ACTN4: variants seen among roughly 807,000 people sequenced by gnomAD.
ACTN4 encodes actinin alpha 4.
A neutral mutation model predicts 114.2 loss-of-function variants in ACTN4; 18 were observed. That is an observed-to-expected ratio of 0.16 (90% CI 0.11 to 0.23). The LOEUF (loss-of-function observed/expected upper bound fraction) is 0.23, where lower values mean the gene tolerates loss of function less well. ACTN4 is among the 10% of genes least tolerant of loss of function. The pLI, the probability that ACTN4 is intolerant of heterozygous loss-of-function variation, is 1.00. For synonymous variants in ACTN4, 515 were observed against 506.3 expected (o/e 1.02, Z -0.23); for missense variants, 722 against 1,262.9 (o/e 0.57, Z 6.49).
intron 1 of ACTN4, among the ~76,000 whole-genome samples, chr19:38,674,589 G>A (rs181962178): frequency 1.4e-3 from 215 of 152,276 alleles, no homozygotes; most frequent in African/African-American, 4.8e-3. Context: ...CTTTACGTCA[G>A]TCCCAGCATT....
chr19:38,671,636 C>T (rs1408481614), intron 1 of ACTN4, among the ~76,000 whole-genome samples: 1 of 152,160 alleles, frequency 6.6e-6, no homozygotes, highest in African/African-American at 2.4e-5. Context: ...AGTAGATGTG[C>T]AATGAATTTG....
At chr19:38,696,924 G>A (rs947759560) in intron 1 of ACTN4, among the ~76,000 whole-genome samples, 1 of 152,240 alleles carries the variant, frequency 6.6e-6, no homozygotes, top group African/African-American at 2.4e-5. Flanking sequence ...TGCTTTCAGA[G>A]CAAACCTTCC....
At chr19:38,703,133 G>T (rs1440107183) in intron 3 of ACTN4, among the ~76,000 whole-genome samples, 1 of 152,078 alleles carries the variant, frequency 6.6e-6, no homozygotes, top group African/African-American at 2.4e-5. Flanking sequence ...TCACCCAGCC[G>T]CAGACACACA....
chr19:38,728,898 C>G, intron 19 of ACTN4, 98 bp from the exon 20 acceptor site: 2 of 1,510,638 alleles, frequency 1.3e-6, no homozygotes, highest in East Asian at 4.5e-5. Flanking sequence ...TTGGGCCCTA[C>G]TCTCTCGGCT....
intron 1 of ACTN4, among the ~76,000 whole-genome samples, chr19:38,654,096 TC>T (rs5828012): frequency 0.057 from 8,686 of 152,304 alleles, 269 homozygotes; most frequent in South Asian, 0.11. Flanking sequence ...TAACTTTTCT[TC>T]AAGAAGGTCT....
At chr19:38,725,641 C>T (rs1969207287) in intron 16 of ACTN4, 83 bp from the exon 17 acceptor site, 3 of 1,511,184 alleles carry the variant, frequency 2.0e-6, no homozygotes, top group Non-Finnish European at 2.7e-6. Flanking sequence ...AGATGCAGGC[C>T]AGCAGCGCGA....
chr19:38,683,046 G>A (rs1967627559), intron 1 of ACTN4, among the ~76,000 whole-genome samples: 1 of 152,206 alleles, frequency 6.6e-6, no homozygotes, highest in Non-Finnish European at 1.5e-5. Flanking sequence ...CAGTGCTCAG[G>A]ATAGTGTATG....
At chr19:38,711,150 G>A in intron 8 of ACTN4, 1 of 266,108 alleles carries the variant, frequency 3.8e-6, no homozygotes. Context: ...ACGCAGGCCT[G>A]GGGCTGGCTT....
chr19:38,721,437 G>A, intron 11 of ACTN4, 101 bp from the exon 12 acceptor site: 2 of 1,387,150 alleles, frequency 1.4e-6, no homozygotes, highest in East Asian at 2.3e-5. Flanking sequence ...AGGATGTGGG[G>A]TCCACAGTCT....
rs1969297557 is a variant in ACTN4, at chr19:38,727,939, C to T, written c.2338-7C>T. On this transcript the variant is annotated splice_polypyrimidine_tract_variant and splice_region_variant and intron_variant, in intron 18 of 20. Transcript: ENST00000252699. This position sits in a 1 kb window ranked among gnomAD's most constrained non-coding sequence, Gnocchi z 5.4. ...CCCGCACACCTGCCTTCGGATGGCC[C>T]CGGCAGGATCATGGCGGGGCGCTGG... is the stretch of plus-strand genomic sequence containing the variant. 9 of 1,612,408 alleles carry T rather than the reference C, an allele frequency of 5.6e-6. No homozygotes were observed. In the Admixed American group the frequency reaches 6.7e-5, roughly 12 times the overall value.
chr19:38,654,920 G>C (rs1053301653), intron 1 of ACTN4, among the ~76,000 whole-genome samples: 1 of 152,116 alleles, frequency 6.6e-6, no homozygotes, highest in African/African-American at 2.4e-5. Context: ...ATCTGAAGGC[G>C]AGTGGAGTGA....
intron 3 of ACTN4, among the ~76,000 whole-genome samples, chr19:38,703,790 GT>G (rs1968363539): frequency 6.6e-6 from 1 of 152,092 alleles, no homozygotes; most frequent in African/African-American, 2.4e-5. Context: ...GAGGAACTGG[GT>G]GGCGGGTTGG....
intron 19 of ACTN4, 132 bp from the exon 20 acceptor site, chr19:38,728,864 G>A: frequency 8.5e-7 from 1 of 1,175,262 alleles, no homozygotes. Flanking sequence ...AGCAGGCGGG[G>A]AACAGGGCGC....
intron 1 of ACTN4, among the ~76,000 whole-genome samples, chr19:38,668,142 C>T (rs1967020513): frequency 6.6e-6 from 1 of 152,178 alleles, no homozygotes; most frequent in African/African-American, 2.4e-5. Flanking sequence ...CCAACGGCCT[C>T]TGAAATGCTA....
intron 13 of ACTN4, 88 bp from the exon 14 acceptor site, chr19:38,723,849 A>G (rs887457567): frequency 1.4e-5 from 21 of 1,519,402 alleles, no homozygotes; most frequent in Non-Finnish European, 3.6e-6. Context: ...CTGACTCCTC[A>G]GGGCCCTCTG....
chr19:38,703,786 C>T (rs1968363108), intron 3 of ACTN4, among the ~76,000 whole-genome samples: 1 of 152,006 alleles, frequency 6.6e-6, no homozygotes, highest in African/African-American at 2.4e-5. Context: ...GGGAGAGGAA[C>T]TGGGTGGCGG....
intron 1 of ACTN4, among the ~76,000 whole-genome samples, chr19:38,679,913 C>CT (rs1293186193): frequency 6.6e-6 from 1 of 152,190 alleles, no homozygotes; most frequent in Non-Finnish European, 1.5e-5. Context: ...CTCTGTTTCT[C>CT]TGACTCTTCT....
chr19:38,664,119 G>T lies in ACTN4; in HGVS notation c.162+16212G>T, dbSNP rs186689165. Among the ~76,000 whole-genome samples, 5 of 152,338 alleles carry T rather than the reference G, an allele frequency of 3.3e-5. No homozygotes were observed. In the East Asian group the frequency reaches 9.7e-4, roughly 29 times the overall value. ...CTGCTGGCGAGGCTGGGTTGCCACA[G>T]CTCCTCTGTTGCCCTGCAACGCGGG... On this transcript the variant is annotated intron_variant, in intron 1 of 20. Transcript: ENST00000252699.
chr19:38,689,886 G>A lies in ACTN4; in HGVS notation c.163-10714G>A, dbSNP rs1967866848. The stretch of plus-strand genomic sequence containing the variant: ...GACGAGGTTTCACCATGTTGGCCAT[G>A]AGAGACAGGACTAGCTGGATTTCCT... On this transcript the variant is annotated intron_variant, in intron 1 of 20. Transcript: ENST00000252699. Among the ~76,000 whole-genome samples, 7 of 152,254 alleles carry A rather than the reference G, an allele frequency of 4.6e-5. 1 individual carries two copies. The South Asian group carries it at 1.4e-3, about 32-fold the overall frequency.
Sources: gnomAD v4.1 joint callset for allele counts (sites outside exome capture counted in the v4.1 genomes callset) on GRCh38, gnomAD v4.1.1 for gene constraint, Gnocchi (gnomAD v3.1) non-coding constraint, MANE v1.5 for transcripts, NCBI Gene and HGNC (gene_info 2026-07-23, HGNC 2026-07-21) for gene names.